MRPL37: variants seen among roughly 807,000 people sequenced by gnomAD.
MRPL37 encodes large ribosomal subunit protein mL37.
In MRPL37, 34 loss-of-function variants were observed where a neutral mutation model predicts 44.1. The ratio of observed to expected loss-of-function variants is 0.77; its 90% CI spans 0.59 to 1.03. The LOEUF is 1.03. Ranked by LOEUF, MRPL37 falls within the 50% of genes least tolerant of loss-of-function variation. MRPL37 has a pLI of 0.00. For missense variants in MRPL37, 532 were observed against 543.7 expected (o/e 0.98, Z 0.21); for synonymous variants, 212 against 219.5 (o/e 0.97, Z 0.30).
chr1:54,220,704 A>C (rs1323274986), downstream of MRPL37: 1 of 471,402 alleles, frequency 2.1e-6, no homozygotes, highest in Non-Finnish European at 4.4e-6. Context: ...GCGGAACTTG[A>C]GGGCCTCAGC....
At chr1:54,214,460 T>G (rs1418220610) in intron 5 of MRPL37, among the ~76,000 whole-genome samples, 1 of 152,176 alleles carries the variant, frequency 6.6e-6, no homozygotes, top group African/African-American at 2.4e-5. Flanking sequence ...TCCTGAAGGC[T>G]CCGAAAGATT....
intron 4 of MRPL37, among the ~76,000 whole-genome samples, chr1:54,210,716 C>A (rs1406687143): frequency 6.6e-6 from 1 of 152,168 alleles, no homozygotes; most frequent in Non-Finnish European, 1.5e-5. Flanking sequence ...TCCTCATAAA[C>A]CCCTTCATTG....
intron 5 of MRPL37, among the ~76,000 whole-genome samples, chr1:54,213,483 A>G (rs914895500): frequency 2.0e-5 from 3 of 152,228 alleles, no homozygotes; most frequent in African/African-American, 7.2e-5. Context: ...TGGTTAGCCA[A>G]ATGGATAGGG....
Position 54,200,518 on chromosome 1 carries a change from C to T in MRPL37, c.275C>T (p.Pro92Leu). The T allele has an allele frequency of 1.2e-6, 2 of 1,614,154 alleles. No individual in the cohort carries two copies. Among genetic ancestry groups the T allele is most frequent in the South Asian group, 1.1e-5 (1 of 91,072 alleles). ...GACCCAAGGTTCTACCGCTCGCCCC[C>T]TCTTCACGAGCATCCGCTGTACAAA... ...YKDPRFYRSP[P>L]LHEHPLYKDQ... Residue 92 changes from proline (P) to leucine (L), a missense_variant, in exon 1 of 7, where the codon CCT (proline) becomes CTT (leucine). Coordinates refer to ENST00000360840, the MANE Select transcript of MRPL37 (RefSeq NM_016491.4).
At chr1:54,214,550 T>C (rs975655621) in intron 5 of MRPL37, among the ~76,000 whole-genome samples, 40 of 152,200 alleles carry the variant, frequency 2.6e-4, no homozygotes, top group African/African-American at 8.9e-4. Context: ...TTGAAGGATG[T>C]GCTACTCCCA....
chr1:54,219,113 C>A (rs34576392), downstream of MRPL37, among the ~76,000 whole-genome samples: 2,526 of 152,340 alleles, frequency 0.017, 55 homozygotes, highest in East Asian at 0.069. Context: ...GTGTGGCTGC[C>A]TCTGAGGCCT....
At chr1:54,206,251 T>C (rs1644121414) in intron 3 of MRPL37, among the ~76,000 whole-genome samples, 1 of 151,818 alleles carries the variant, frequency 6.6e-6, no homozygotes, top group South Asian at 2.1e-4. Context: ...TAGCTGGGAC[T>C]ACAGGCGCCC....
At chr1:54,210,410 C>G (rs1013624297) in intron 4 of MRPL37, among the ~76,000 whole-genome samples, 1 of 150,036 alleles carries the variant, frequency 6.7e-6, no homozygotes, top group Non-Finnish European at 1.5e-5. Context: ...GCTTGAGGGA[C>G]TTTTTTTTTT....
intron 3 of MRPL37, among the ~76,000 whole-genome samples, chr1:54,208,122 C>T (rs945433340): frequency 1.3e-5 from 2 of 152,138 alleles, no homozygotes; most frequent in African/African-American, 4.8e-5. Context: ...GTTTGTTTTC[C>T]TCTTGTCACC....
intron 3 of MRPL37, chr1:54,207,331 AATGCAT>A (rs1357911327): frequency 6.6e-6 from 1 of 152,202 alleles, no homozygotes; most frequent in Non-Finnish European, 1.5e-5. Flanking sequence ...GGGATGTGTA[AATGCAT>A]ATACCTACTG....
In MRPL37 at chr1:54,212,652, C is replaced by G; in HGVS notation, c.984C>G (p.Leu328=). ...GTGCCCTGGCTCAGGCCCGGCTCCT[C>G]TATGGGGTATGTAGGTGGAGAAGAC... ...FGSALAQARL[L]YGNDAKVLEQ... Residue 328 remains leucine, a synonymous_variant, in exon 5 of 7, where the codon CTC becomes CTG. Transcript: ENST00000360840. The G allele has an allele frequency of 1.2e-6, 2 of 1,614,198 alleles. No homozygotes were observed. Among genetic ancestry groups the G allele is most frequent in the Non-Finnish European group, 8.5e-7 (1 of 1,180,032 alleles).
At chr1:54,202,979 T>TA (rs1644095272) in intron 1 of MRPL37, among the ~76,000 whole-genome samples, 3 of 152,292 alleles carry the variant, frequency 2.0e-5, no homozygotes, top group South Asian at 4.1e-4. Context: ...ATCCAGAACT[T>TA]AGATACCTAG....
intron 6 of MRPL37, among the ~76,000 whole-genome samples, chr1:54,217,665 C>T (rs1399067234): frequency 6.6e-6 from 1 of 152,182 alleles, no homozygotes; most frequent in Non-Finnish European, 1.5e-5. Flanking sequence ...GTCGGCAAGT[C>T]AGTCATTTCT....
intron 3 of MRPL37, among the ~76,000 whole-genome samples, chr1:54,208,129 C>T (rs938455528): frequency 2.0e-5 from 3 of 152,196 alleles, no homozygotes; most frequent in Non-Finnish European, 4.4e-5. Flanking sequence ...TTCCTCTTGT[C>T]ACCTACGTCT....
intron 6 of MRPL37, among the ~76,000 whole-genome samples, chr1:54,217,099 A>C (rs1644203371): frequency 6.6e-6 from 1 of 152,182 alleles, no homozygotes; most frequent in Admixed American, 6.5e-5. Context: ...GACCTACAGC[A>C]GGGTCAGGAC....
At chr1:54,206,049 A>G (rs1644119301) in intron 3 of MRPL37, among the ~76,000 whole-genome samples, 1 of 151,996 alleles carries the variant, frequency 6.6e-6, no homozygotes, top group Non-Finnish European at 1.5e-5. Flanking sequence ...CATGCTGTGC[A>G]TTCTGTCTGG....
chr1:54,213,769 C>T lies in MRPL37; in HGVS notation c.990+1111C>T, dbSNP rs575728665. Among the ~76,000 whole-genome samples the T allele has an allele frequency of 1.1e-4, 17 of 152,290 alleles. No individual in the cohort carries two copies. In the South Asian group the frequency reaches 1.2e-3, roughly 11 times the overall value. On this transcript the variant is annotated intron_variant, in intron 5 of 6. Transcript: ENST00000360840. ...CGAGTTTAAAAACCACTGAACTGGC[C>T]GGGTGCGGTGGCTCACGCCTGTAAT...
Position 54,218,366 on chromosome 1 carries a change from C to T in MRPL37, c.*117C>T. 1 of 1,569,908 alleles carries T rather than the reference C, an allele frequency of 6.4e-7. No individual in the cohort carries two copies. Among genetic ancestry groups the T allele is most frequent in the Non-Finnish European group, 8.6e-7 (1 of 1,163,444 alleles). ...TGCTGCTCTCGCTGACAATAAAGAG[C>T]CCTTGCGTTGCACTGAAGCCTGTGT... is the stretch of plus-strand genomic sequence containing the variant. On this transcript the variant is annotated 3_prime_UTR_variant, in exon 7 of 7. Transcript: ENST00000360840.
chr1:54,212,694 G>A (rs367874066), intron 5 of MRPL37, 36 bp downstream of exon 5: 15 of 1,613,144 alleles, frequency 9.3e-6, no homozygotes, highest in African/African-American at 2.7e-5. Context: ...GTTGCTTTAC[G>A]TGGTGTTGGT....
Sources: allele counts gnomAD v4.1 joint callset (sites outside exome capture counted in the v4.1 genomes callset), GRCh38; gene constraint gnomAD v4.1.1; transcripts MANE v1.5; gene names NCBI Gene and HGNC (gene_info 2026-07-23, HGNC 2026-07-21).